MTUS2: variants seen among roughly 807,000 people sequenced by gnomAD.
The protein encoded by MTUS2 is microtubule associated scaffold protein 2.
A neutral mutation model predicts 114.1 loss-of-function variants in MTUS2; 40 were observed. The ratio of observed to expected loss-of-function variants is 0.35; its 90% confidence interval spans 0.27 to 0.46. MTUS2 has a LOEUF of 0.46. Ranked by LOEUF, MTUS2 falls within the 20% of genes least tolerant of loss-of-function variation. The pLI, the probability that MTUS2 is intolerant of heterozygous loss-of-function variation, is 1.00. For synonymous variants in MTUS2, 688 were observed against 672.0 expected, an observed-to-expected ratio of 1.02 and a Z score of -0.37; for missense variants, 1,679 against 1,705.4, an observed-to-expected ratio of 0.98 and a Z score of 0.27.
At chr13:29,248,832 A>T (rs539741577) in intron 5 of MTUS2, among the ~76,000 whole-genome samples, 245 of 152,308 alleles carry the variant, frequency 1.6e-3, no homozygotes, top group Middle Eastern at 3.4e-3. Flanking sequence ...GCTGCATAGT[A>T]TTCCATGGTT....
intron 5 of MTUS2, among the ~76,000 whole-genome samples, chr13:29,243,745 C>G (rs1896811505): frequency 6.6e-6 from 1 of 152,136 alleles, no homozygotes; most frequent in Non-Finnish European, 1.5e-5. Context: ...TGAGAACCAC[C>G]TGGGCTGGAG....
chr13:29,131,616 C>T (rs529783179), intron 5 of MTUS2, among the ~76,000 whole-genome samples: 24 of 152,348 alleles, frequency 1.6e-4, no homozygotes, highest in African/African-American at 4.8e-4. Flanking sequence ...TCAGCATCAA[C>T]GGCTGGTCCA....
intron 5 of MTUS2, among the ~76,000 whole-genome samples, chr13:29,161,919 C>T (rs1464856170): frequency 6.6e-6 from 1 of 152,326 alleles, no homozygotes; most frequent in East Asian, 1.9e-4. Flanking sequence ...CACATGCTCT[C>T]GTGGCTTTAA....
chr13:29,438,432 A>G (rs1877580160), intron 8 of MTUS2, among the ~76,000 whole-genome samples: 1 of 152,158 alleles, frequency 6.6e-6, no homozygotes, highest in Non-Finnish European at 1.5e-5. Context: ...CAGTCTGGGA[A>G]GCCCAAGATC....
intron 2 of MTUS2, among the ~76,000 whole-genome samples, chr13:28,840,228 T>C (rs1403186694): frequency 6.6e-6 from 1 of 152,136 alleles, no homozygotes; most frequent in Admixed American, 6.6e-5. Context: ...GGACATGAGC[T>C]TTAAGTAGGG....
intron 5 of MTUS2, among the ~76,000 whole-genome samples, chr13:29,201,705 A>G (rs576510129): frequency 2.9e-4 from 44 of 152,286 alleles, no homozygotes; most frequent in African/African-American, 9.9e-4. Context: ...CCTGGTGATG[A>G]TAAAATCTCT....
At chr13:29,430,600 A>C (rs1876915500) in intron 8 of MTUS2, among the ~76,000 whole-genome samples, 1 of 152,204 alleles carries the variant, frequency 6.6e-6, no homozygotes, top group African/African-American at 2.4e-5. Context: ...TATATTTCAG[A>C]ATAGTATTCC....
At position 28,896,627 on chromosome 13, in the gene MTUS2, C is replaced by T. The variant is rs939622403; in HGVS notation, c.-243+56777C>T. Among the ~76,000 whole-genome samples, 5 of 152,188 alleles carry T rather than the reference C, an allele frequency of 3.3e-5. No homozygotes were observed. The South Asian group carries it at 6.2e-4, about 19-fold the overall frequency. On this transcript the variant is annotated intron_variant, in intron 2 of 15. Coordinates refer to ENST00000612955, the MANE Select transcript of MTUS2 (RefSeq NM_001033602.4). ...TAAGCCAAAAGAACAAAGCTGGTGG[C>T]GTCACGCTACCTGACTTCAAACTAT... is the stretch of plus-strand genomic sequence containing the variant.
At chr13:28,952,323 T>G (rs1439011665) in intron 2 of MTUS2, among the ~76,000 whole-genome samples, 1 of 152,238 alleles carries the variant, frequency 6.6e-6, no homozygotes, top group Non-Finnish European at 1.5e-5. Flanking sequence ...TATGAGCTCA[T>G]TTGTACATAC....
rs375674765 is a variant in MTUS2 at position 28,906,992 on chromosome 13, C to T, written c.-243+67142C>T. On this transcript the variant is annotated intron_variant, in intron 2 of 15. Coordinates refer to ENST00000612955, the MANE Select transcript of MTUS2 (RefSeq NM_001033602.4). ...GAAATGAAGGAAAAAATGTTAAGGG[C>T]AGCCAGAGAGAAAGGTCGGGTTACC... Among the ~76,000 whole-genome samples the T allele has an allele frequency of 2.0e-5, 3 of 151,546 alleles. No homozygotes were observed. The East Asian group carries it at 5.8e-4, about 29-fold the overall frequency.
At chr13:28,882,805 G>T (rs1442835683) in intron 2 of MTUS2, among the ~76,000 whole-genome samples, 2 of 152,062 alleles carry the variant, frequency 1.3e-5, no homozygotes, top group African/African-American at 4.8e-5. Flanking sequence ...ATAAAAAAAT[G>T]AAAAGGCAAG....
chr13:29,261,208 C>T (rs1897459743), intron 5 of MTUS2, among the ~76,000 whole-genome samples: 1 of 152,144 alleles, frequency 6.6e-6, no homozygotes, highest in African/African-American at 2.4e-5. Context: ...AATATGCGGT[C>T]TATTTCCTAG....
intron 2 of MTUS2, among the ~76,000 whole-genome samples, chr13:28,950,895 G>A (rs1328616545): frequency 6.6e-6 from 1 of 152,190 alleles, no homozygotes; most frequent in East Asian, 1.9e-4. Context: ...ACGATGCAGG[G>A]TTGCCACAAA....
At chr13:28,896,180 A>G (rs1264883509) in intron 2 of MTUS2, among the ~76,000 whole-genome samples, 1 of 152,206 alleles carries the variant, frequency 6.6e-6, no homozygotes, top group Non-Finnish European at 1.5e-5. Context: ...AACCAGTGGG[A>G]TTCCAACAGC....
chr13:29,167,609 A>C (rs1264287253), intron 5 of MTUS2, among the ~76,000 whole-genome samples: 1 of 152,134 alleles, frequency 6.6e-6, no homozygotes, highest in Non-Finnish European at 1.5e-5. Flanking sequence ...TTAAAATCAA[A>C]ATATATTTTA....
intron 2 of MTUS2, among the ~76,000 whole-genome samples, chr13:28,846,278 C>G (rs1295365864): frequency 6.6e-6 from 1 of 152,070 alleles, no homozygotes; most frequent in Non-Finnish European, 1.5e-5. Flanking sequence ...TTTGAGGTCT[C>G]CCAATCCAGG....
At chr13:29,039,749 A>G (rs980641403) in intron 4 of MTUS2, among the ~76,000 whole-genome samples, 3 of 152,240 alleles carry the variant, frequency 2.0e-5, no homozygotes, top group Non-Finnish European at 2.9e-5. Context: ...TCATTTACTC[A>G]TATCAGTAAA....
chr13:29,464,325 G>A (rs749987899), intron 9 of MTUS2, among the ~76,000 whole-genome samples: 14 of 152,352 alleles, frequency 9.2e-5, no homozygotes, highest in Admixed American at 2.6e-4. Flanking sequence ...GCACAGCCTC[G>A]GACCCAAGTG....
intron 4 of MTUS2, among the ~76,000 whole-genome samples, chr13:29,074,477 A>G (rs760286842): frequency 2.0e-5 from 3 of 152,166 alleles, no homozygotes; most frequent in African/African-American, 7.2e-5. Context: ...AAATTATTTC[A>G]TAAGAGCTGT....
Sources: gnomAD v4.1 joint callset for allele counts (sites outside exome capture counted in the v4.1 genomes callset) on GRCh38, gnomAD v4.1.1 for gene constraint, MANE v1.5 for transcripts, NCBI Gene and HGNC (gene_info 2026-07-23, HGNC 2026-07-21) for gene names.